OR2T10: variants seen among roughly 807,000 people sequenced by gnomAD.
OR2T10 encodes the protein olfactory receptor family 2 subfamily T member 10, also known as olfactory receptor 2T10.
For missense variants in OR2T10, 335 were observed against 382.5 expected (o/e 0.88, Z 1.04); for synonymous variants, 125 against 141.8 (o/e 0.88, Z 0.84).
In OR2T10 at chr1:248,595,844, G is replaced by A. The variant is rs1367877813; in HGVS notation, c.-29+1648C>T. Among the ~76,000 whole-genome samples, 3 of 142,394 alleles carry A rather than the reference G, an allele frequency of 2.1e-5. 1 individual carries two copies. The highest frequency in any genetic ancestry group is 8.3e-5 in the African/African-American group (3 of 36,036). 93.4% of individuals were successfully genotyped at this position (142,394 alleles called of 152,430 possible). On this transcript the variant is annotated intron_variant, in intron 1 of 1. Transcript: ENST00000642090. ...TAGAAAAATTTGAAAAAAAAATTATGGTCCAAGAATGAAGCATATATCCAG... is the reference window on the plus strand; with the variant it reads ...TAGAAAAATTTGAAAAAAAAATTATAGTCCAAGAATGAAGCATATATCCAG...
At position 248,597,094 on chromosome 1, in the gene OR2T10, T is replaced by C. The variant is rs1358661080; in HGVS notation, c.-29+398A>G. ...AAATATACCACCAGGAGGAAAAGGC[T>C]CAAGATCTGAAATCAGTTATTTTTT... On this transcript the variant is annotated intron_variant, in intron 1 of 1. Coordinates refer to ENST00000642090, the MANE Select transcript of OR2T10 (RefSeq NM_001004693.2). Among the ~76,000 whole-genome samples, 5 of 143,732 alleles carry C rather than the reference T, an allele frequency of 3.5e-5. 1 individual carries two copies. The highest frequency in any genetic ancestry group is 1.4e-4 in the Admixed American group (2 of 14,710). The allele number at this position is 143,732 out of a possible 152,430, so 94.3% of individuals were successfully genotyped here. A position where few individuals can be genotyped will look rare whatever the true frequency, so the allele number is the denominator to read the frequency against.
At chr1:248,595,937 A>G (rs1290023134) in intron 1 of OR2T10, among the ~76,000 whole-genome samples, 1 of 143,158 alleles carries the variant, frequency 7.0e-6, no homozygotes, top group Non-Finnish European at 1.5e-5. Context: ...AATCAGGTAA[A>G]CCGTTTCAGA....
In OR2T10 at chr1:248,597,181, T is replaced by C. The variant is rs1170389758; in HGVS notation, c.-29+311A>G. On this transcript the variant is annotated intron_variant, in intron 1 of 1. Transcript: ENST00000642090. ...GTCACCTAAAACTTTTGAGTATCTT[T>C]TTTTTCCATTTATACCTGTAGGGGT... Among the ~76,000 whole-genome samples the C allele has an allele frequency of 5.6e-5, 8 of 143,014 alleles. 1 individual carries two copies. Among genetic ancestry groups the C allele is most frequent in the African/African-American group, 2.2e-4 (8 of 36,306 alleles). The allele number at this position is 143,014 out of a possible 152,430, so 93.8% of individuals were successfully genotyped here. A position where few individuals can be genotyped will look rare whatever the true frequency, so the allele number is the denominator to read the frequency against.
Position 248,592,897 on chromosome 1 carries a change from C to T in OR2T10, c.872G>A (p.Ser291Asn). The change falls in exon 2 of 2, where the codon AGT (serine) becomes AAT (asparagine). Residue 291 changes from serine (S) to asparagine (N), a missense_variant. Transcript: ENST00000642090. ...LTPVLNPIIY[S>N]FRNKDVTRAL... ...CCTTGTGACATCCTTATTCCTGAAA[C>T]TGTAAATGATAGGATTCAAGACAGG... 6.4e-7 allele frequency: 1 copy of T among 1,568,256 alleles called. No individual in the cohort carries two copies.
rs577044598 is a variant in OR2T10, at chr1:248,595,260, TTA to T, written c.-28-1466_-28-1465del. 6.3e-5 allele frequency among the ~76,000 whole-genome samples: 9 copies of T among 143,732 alleles called. 1 individual carries two copies. The South Asian group carries it at 2.0e-3, about 31-fold the overall frequency. The allele number at this position is 143,732 out of a possible 152,430, so 94.3% of individuals were successfully genotyped here. On this transcript the variant is annotated intron_variant, in intron 1 of 1. Transcript: ENST00000642090. ...CATATCCTTTATAAAATGAATAGTT[TTA>T]GATATCATTAATGTTCAATATATTA... is the stretch of plus-strand genomic sequence containing the variant.
In OR2T10 at chr1:248,592,690, G is replaced by A. The variant is rs1444914464; in HGVS notation, c.*140C>T. ...TCATCTCAAGTGTGATTATAGGAGG[G>A]AAGAACACTGGGCTGAATCCCCCTG... On this transcript the variant is annotated 3_prime_UTR_variant, in exon 2 of 2. Coordinates refer to ENST00000642090, the MANE Select transcript of OR2T10 (RefSeq NM_001004693.2). The A allele has an allele frequency of 3.6e-6, 2 of 552,982 alleles. No homozygotes were observed. Among genetic ancestry groups the A allele is most frequent in the African/African-American group, 2.2e-5 (1 of 46,412 alleles). The allele number at this position is 552,982 out of a possible 1,614,324, so 34.3% of individuals were successfully genotyped here. A position where few individuals can be genotyped will look rare whatever the true frequency, so the allele number is the denominator to read the frequency against.
intron 1 of OR2T10, among the ~76,000 whole-genome samples, 169 bp downstream of exon 1, chr1:248,597,323 T>C (rs1660106452): frequency 1.5e-5 from 1 of 65,538 alleles, no homozygotes; most frequent in Non-Finnish European, 2.7e-5. Context: ...TGCTTATGAG[T>C]TATTTTATGT....
At chr1:248,595,114 T>G (rs1398100079) in intron 1 of OR2T10, 1 of 143,132 alleles carries the variant, frequency 7.0e-6, no homozygotes, top group African/African-American at 2.8e-5. Flanking sequence ...ACCTGGCTAT[T>G]TTGGGGGGTC....
Position 248,590,888 on chromosome 1 carries a change from T to C in OR2T10, c.*1942A>G, listed in dbSNP as rs545615554. The C allele has an allele frequency of 7.0e-6, 1 of 143,742 alleles. No homozygotes were observed. The highest frequency in any genetic ancestry group is 2.0e-4 in the East Asian group (1 of 4,984). 8.9% of individuals were successfully genotyped at this position (143,742 alleles called of 1,614,324 possible). A position where few individuals can be genotyped will look rare whatever the true frequency, so the allele number is the denominator to read the frequency against. On this transcript the variant is annotated 3_prime_UTR_variant, in exon 2 of 2. Coordinates refer to ENST00000642090, the MANE Select transcript of OR2T10 (RefSeq NM_001004693.2). ...TAAACTGTATATTACATTAAAATTA[T>C]TGCTAAGTCAATATTGATTATGACT... is the stretch of plus-strand genomic sequence containing the variant.
At chr1:248,596,146 C>CA (rs1385851429) in intron 1 of OR2T10, among the ~76,000 whole-genome samples, 4 of 143,676 alleles carry the variant, frequency 2.8e-5, no homozygotes, top group African/African-American at 1.1e-4. Flanking sequence ...GAAGTAGGCG[C>CA]AAAAGGGGTA....
chr1:248,592,647 G>A lies in OR2T10; in HGVS notation c.*183C>T, dbSNP rs190647302. 1.3e-5 allele frequency: 6 copies of A among 458,406 alleles called. No individual in the cohort carries two copies. Among genetic ancestry groups the A allele is most frequent in the Admixed American group, 7.1e-5 (2 of 28,234 alleles). The allele number at this position is 458,406 out of a possible 1,614,324, so 28.4% of individuals were successfully genotyped here. On this transcript the variant is annotated 3_prime_UTR_variant, in exon 2 of 2. Transcript: ENST00000642090. ...ACTAGAGATCAATGCTACGAGGGAA[G>A]GGGGGGATAAGTGAACATCATCTCA...
chr1:248,595,436 C>CA (rs1660076903), intron 1 of OR2T10, among the ~76,000 whole-genome samples: 1 of 142,746 alleles, frequency 7.0e-6, no homozygotes, highest in Non-Finnish European at 1.5e-5. Flanking sequence ...TGCAATTGGT[C>CA]ATATTATTTC....
At chr1:248,596,577 A>T (rs1363104438) in intron 1 of OR2T10, among the ~76,000 whole-genome samples, 1 of 143,546 alleles carries the variant, frequency 7.0e-6, no homozygotes, top group Non-Finnish European at 1.5e-5. Flanking sequence ...TAACCAAATC[A>T]ATTAATTTAT....
At position 248,592,882 on chromosome 1, in the gene OR2T10, T is replaced by C; in HGVS notation, c.887A>G (p.Asp296Gly). 1 of 1,567,848 alleles carries C rather than the reference T, an allele frequency of 6.4e-7. No individual in the cohort carries two copies. Among genetic ancestry groups the C allele is most frequent in the Non-Finnish European group, 8.7e-7 (1 of 1,153,280 alleles). The change falls in exon 2 of 2, where the codon GAT (aspartate) becomes GGT (glycine). Residue 296 changes from aspartate (D) to glycine (G), a missense_variant. By Grantham distance (94) the Asp-to-Gly change is moderately conservative. Transcript: ENST00000642090. ...CATTTTTTTCAAAGCCCTTGTGACA[T>C]CCTTATTCCTGAAACTGTAAATGAT... The part of the protein sequence containing the change: ...NPIIYSFRNK[D>G]VTRALKKMLS...
rs183702600 is a variant in OR2T10, at chr1:248,591,987, T to C, written c.*843A>G. On this transcript the variant is annotated 3_prime_UTR_variant, in exon 2 of 2. Transcript: ENST00000642090. ...ACAACCATGCACATACGTAAAACTG[T>C]GATTTGAAATTATATTCTAAGTATG... The C allele has an allele frequency of 7.0e-6, 1 of 143,582 alleles. No homozygotes were observed. Among genetic ancestry groups the C allele is most frequent in the East Asian group, 2.0e-4 (1 of 4,978 alleles). The allele number at this position is 143,582 out of a possible 1,614,324, so 8.9% of individuals were successfully genotyped here.
chr1:248,597,334 G>A (rs1269318760), intron 1 of OR2T10, among the ~76,000 whole-genome samples, 158 bp downstream of exon 1: 1 of 1,154 alleles, frequency 8.7e-4, no homozygotes, highest in African/African-American at 3.2e-3. Flanking sequence ...TATTTTATGT[G>A]ATCTATAATA....
In OR2T10 at chr1:248,593,586, G is replaced by T; in HGVS notation, c.183C>A (p.Phe61Leu). The T allele has an allele frequency of 6.4e-7, 1 of 1,567,164 alleles. No homozygotes were observed. The change falls in exon 2 of 2, where the codon TTC (phenylalanine) becomes TTA (leucine). Residue 61 changes from phenylalanine (F) to leucine (L), a missense_variant. Physicochemically the swap from Phe to Leu is conservative, Grantham distance 22. Coordinates refer to ENST00000642090, the MANE Select transcript of OR2T10 (RefSeq NM_001004693.2). ...IDSSLHTPMY[F>L]FINQLSLIDL... The stretch of plus-strand genomic sequence containing the variant: ...CTATGAGTGAGAGCTGGTTTATAAA[G>T]AAGTACATGGGAGTATGCAGAGAGG...
chr1:248,595,795 A>G, intron 1 of OR2T10, among the ~76,000 whole-genome samples: 1 of 143,056 alleles, frequency 7.0e-6, no homozygotes, highest in East Asian at 2.0e-4. Flanking sequence ...AGTAGATTCC[A>G]AAAGACAATG....
intron 1 of OR2T10, among the ~76,000 whole-genome samples, chr1:248,596,827 A>G (rs1572090033): frequency 7.0e-6 from 1 of 142,550 alleles, no homozygotes; most frequent in East Asian, 2.0e-4. Flanking sequence ...GTGATGTGTC[A>G]TGCTTCACCC....
Sources: allele counts gnomAD v4.1 joint callset (sites outside exome capture counted in the v4.1 genomes callset), GRCh38; gene constraint gnomAD v4.1.1; transcripts MANE v1.5; gene names NCBI Gene and HGNC (gene_info 2026-07-23, HGNC 2026-07-21).